Variants in POLN observed in about 807,000 individuals in gnomAD.
POLN encodes the protein DNA polymerase nu.
A neutral mutation model predicts 113.5 loss-of-function variants in POLN; 108 were observed. That is an observed-to-expected ratio of 0.95 (90% CI 0.81 to 1.12). The LOEUF is 1.12. Ranked by LOEUF, POLN falls within the 50% of genes most tolerant of loss-of-function variation. POLN has a pLI of 0.00. For synonymous variants in POLN, 386 were observed against 391.5 expected (o/e 0.99, Z 0.17); for missense variants, 1,097 against 1,077.1 (o/e 1.02, Z -0.26).
At chr4:2,194,755 A>G (rs1733534050) in intron 6 of POLN, among the ~76,000 whole-genome samples, 1 of 152,164 alleles carries the variant, frequency 6.6e-6, no homozygotes, top group Admixed American at 6.6e-5. Context: ...GTGGTGGTGC[A>G]TGCCTGTAGT....
chr4:2,148,539 C>A (rs557388839), intron 16 of POLN, among the ~76,000 whole-genome samples: 1 of 151,978 alleles, frequency 6.6e-6, no homozygotes, highest in Non-Finnish European at 1.5e-5. Context: ...TGGTGGCATG[C>A]GCCTGTAATC....
intron 5 of POLN, among the ~76,000 whole-genome samples, chr4:2,199,813 C>T (rs954859058): frequency 1.3e-5 from 2 of 152,022 alleles, no homozygotes; most frequent in Admixed American, 6.6e-5. Context: ...CTGAGCTCAG[C>T]CAATCCGCCC....
chr4:2,152,497 C>G (rs1421468003), intron 16 of POLN, among the ~76,000 whole-genome samples: 1 of 151,254 alleles, frequency 6.6e-6, no homozygotes, highest in Non-Finnish European at 1.5e-5. Flanking sequence ...TAATTTAAAG[C>G]ATCTTAAAAT....
At chr4:2,095,474 A>T (rs1266736377) in intron 20 of POLN, among the ~76,000 whole-genome samples, 2 of 152,204 alleles carry the variant, frequency 1.3e-5, no homozygotes, top group Non-Finnish European at 2.9e-5. Context: ...TGTGGCAATG[A>T]GTCCAAGCGC....
chr4:2,151,344 A>G (rs1224334472), intron 16 of POLN, among the ~76,000 whole-genome samples: 1 of 152,226 alleles, frequency 6.6e-6, no homozygotes, highest in Non-Finnish European at 1.5e-5. Context: ...AAGAAGTAGA[A>G]TTCATACACT....
At chr4:2,238,374 T>A (rs1247271063) in intron 2 of POLN, among the ~76,000 whole-genome samples, 1 of 149,176 alleles carries the variant, frequency 6.7e-6, no homozygotes, top group Non-Finnish European at 1.5e-5. Context: ...CTCCAACTCA[T>A]CCACTTAAGC....
rs1470676909 is a variant in POLN at position 2,127,272 on chromosome 4, C to G, written c.1982+841G>C. Among the ~76,000 whole-genome samples, 1 of 152,060 alleles carries G rather than the reference C, an allele frequency of 6.6e-6. No homozygotes were observed. Among genetic ancestry groups the G allele is most frequent in the Non-Finnish European group, 1.5e-5 (1 of 67,998 alleles). On this transcript the variant is annotated intron_variant, in intron 19 of 25. Transcript: ENST00000511885. The surrounding 1 kb of genome is among the most constrained non-coding windows in gnomAD (Gnocchi z 4.7). ...GACACACGGACCTTCCAACAGCCAG[C>G]ACACACTTCCCCCTCCCCTTCCTCA...
chr4:2,128,096 G>C lies in POLN; in HGVS notation c.1982+17C>G. The C allele has an allele frequency of 6.9e-7, 1 of 1,454,396 alleles. No individual in the cohort carries two copies. The highest frequency in any genetic ancestry group is 9.7e-7 in the Non-Finnish European group (1 of 1,036,212). The allele number at this position is 1,454,396 out of a possible 1,614,324, so 90.1% of individuals were successfully genotyped here. A position where few individuals can be genotyped will look rare whatever the true frequency, so the allele number is the denominator to read the frequency against. ...CTTCCTGCAGATCTGATAATATTGT[G>C]AGTTCATATATCTTACCACTGTGAA... On this transcript the variant is annotated intron_variant, in intron 19 of 25. Transcript: ENST00000511885.
chr4:2,098,352 G>A (rs1203924201), intron 19 of POLN, among the ~76,000 whole-genome samples: 1 of 152,212 alleles, frequency 6.6e-6, no homozygotes, highest in Non-Finnish European at 1.5e-5. Context: ...CTGGGAGGTT[G>A]AGGCTGCAGT....
chr4:2,186,141 A>C (rs1490819168), intron 7 of POLN, among the ~76,000 whole-genome samples: 2 of 152,188 alleles, frequency 1.3e-5, no homozygotes, highest in Non-Finnish European at 2.9e-5. Flanking sequence ...AAACATGTAG[A>C]AAAACTTCTC....
intron 6 of POLN, 150 bp from the exon 7 acceptor site, chr4:2,193,466 C>T: frequency 1.7e-6 from 1 of 582,224 alleles, no homozygotes; most frequent in East Asian, 3.2e-5. Context: ...TGTTATTTAT[C>T]ATCTGCGTTT....
At chr4:2,089,983 T>A in intron 20 of POLN, 1 of 934,242 alleles carries the variant, frequency 1.1e-6, no homozygotes, top group South Asian at 1.5e-5. Context: ...TGGTTTCTTT[T>A]CACTTTTAAG....
At chr4:2,120,287 C>G (rs1199733379) in intron 19 of POLN, among the ~76,000 whole-genome samples, 1 of 152,070 alleles carries the variant, frequency 6.6e-6, no homozygotes, top group African/African-American at 2.4e-5. Flanking sequence ...CTACAAAAAC[C>G]TTGTTTGGGT....
At chr4:2,089,655 A>G in intron 20 of POLN, 1 of 744,276 alleles carries the variant, frequency 1.3e-6, no homozygotes, top group South Asian at 1.9e-5. Context: ...GATTATCTGA[A>G]CTTCCTAAAC....
At chr4:2,088,579 C>T in intron 20 of POLN, 1 of 583,916 alleles carries the variant, frequency 1.7e-6, no homozygotes, top group Non-Finnish European at 2.5e-6. Context: ...CAAAAATACG[C>T]ATTAGCTAAT....
At chr4:2,176,405 G>A (rs919358658) in intron 8 of POLN, 71 bp from the exon 9 acceptor site, 2 of 1,169,248 alleles carry the variant, frequency 1.7e-6, no homozygotes, top group Non-Finnish European at 1.2e-6. Flanking sequence ...GTCTGTAACT[G>A]ACATGACTTG....
chr4:2,223,152 T>C (rs1191797349), intron 3 of POLN, among the ~76,000 whole-genome samples: 2 of 152,128 alleles, frequency 1.3e-5, no homozygotes, highest in African/African-American at 4.8e-5. Context: ...TTGGCACAGA[T>C]ATATACAAGC....
rs1382397558 is a variant in POLN, at chr4:2,128,048, CA to C, written c.1982+64del. 9 of 1,019,028 alleles carry C rather than the reference CA, an allele frequency of 8.8e-6. No individual in the cohort carries two copies. The Admixed American group carries it at 1.7e-4, about 19-fold the overall frequency. The allele number at this position is 1,019,028 out of a possible 1,614,324, so 63.1% of individuals were successfully genotyped here. A position where few individuals can be genotyped will look rare whatever the true frequency, so the allele number is the denominator to read the frequency against. ...TATGAAAGTAGCCTTGGAATAATTC[CA>C]GGCTTTTAAACTCATGTTGGCCTTC... On this transcript the variant is annotated intron_variant, in intron 19 of 25. Coordinates refer to ENST00000511885, the MANE Select transcript of POLN (RefSeq NM_181808.4).
chr4:2,231,655 T>G (rs970484482), intron 2 of POLN: 1 of 215,452 alleles, frequency 4.6e-6, no homozygotes, highest in African/African-American at 2.3e-5. Context: ...GATAACTATA[T>G]TAAAAAATAT....
Sources: gnomAD v4.1 joint callset for allele counts (sites outside exome capture counted in the v4.1 genomes callset) on GRCh38, gnomAD v4.1.1 for gene constraint, Gnocchi (gnomAD v3.1) non-coding constraint, MANE v1.5 for transcripts, NCBI Gene and HGNC (gene_info 2026-07-23, HGNC 2026-07-21) for gene names.